COL25A1: variants seen among roughly 807,000 people sequenced by gnomAD.
COL25A1 encodes collagen alpha-1(XXV) chain.
A neutral mutation model predicts 128.4 loss-of-function variants in COL25A1; 103 were observed. The observed-to-expected ratio is 0.80, with a 90% CI of 0.68 to 0.94. The LOEUF (loss-of-function observed/expected upper bound fraction) is 0.94, where lower values mean the gene tolerates loss of function less well. Among genes scored for constraint, COL25A1 ranks in the 40% least tolerant of loss-of-function variants. The pLI, the probability that COL25A1 is intolerant of heterozygous loss-of-function variation, is 0.00. For synonymous variants in COL25A1, 279 were observed against 277.2 expected, an observed-to-expected ratio of 1.01 and a Z score of -0.06; for missense variants, 745 against 840.0, an observed-to-expected ratio of 0.89 and a Z score of 1.40.
At chr4:109,047,728 C>CTTTTTTTTTTTTTTTT (rs59105153) in intron 5 of COL25A1, among the ~76,000 whole-genome samples, 1 of 132,190 alleles carries the variant, frequency 7.6e-6, no homozygotes, top group South Asian at 2.3e-4. Flanking sequence ...TAAGTATACT[C>CTTTTTTTTTTTTTTTT]TTTTTTTTTT....
At chr4:109,092,354 A>G (rs1262549274) in intron 3 of COL25A1, among the ~76,000 whole-genome samples, 1 of 152,130 alleles carries the variant, frequency 6.6e-6, no homozygotes, top group Non-Finnish European at 1.5e-5. Context: ...GGTGGTGCGC[A>G]GTCTCAGGTA....
At chr4:108,979,994 T>A (rs1208724289) in intron 6 of COL25A1, among the ~76,000 whole-genome samples, 1 of 152,116 alleles carries the variant, frequency 6.6e-6, no homozygotes, top group African/African-American at 2.4e-5. Context: ...GGGATGCACA[T>A]GCCCAGTTGT....
At chr4:109,026,131 C>G (rs2125908470) in intron 5 of COL25A1, among the ~76,000 whole-genome samples, 1 of 151,892 alleles carries the variant, frequency 6.6e-6, no homozygotes, top group Non-Finnish European at 1.5e-5. Flanking sequence ...CACACACACA[C>G]ACACATATAC....
chr4:109,219,980 A>G (rs1040232465), intron 3 of COL25A1, among the ~76,000 whole-genome samples: 3 of 152,150 alleles, frequency 2.0e-5, no homozygotes, highest in African/African-American at 7.2e-5. Flanking sequence ...TGGAAAACCT[A>G]TATGTATTAC....
chr4:109,285,602 G>A (rs1578639683), intron 3 of COL25A1, among the ~76,000 whole-genome samples: 3 of 152,350 alleles, frequency 2.0e-5, no homozygotes, highest in East Asian at 3.9e-4. Context: ...CAGTGGTTGT[G>A]AGAAGCTGAA....
At chr4:109,095,373 GT>G (rs1468552203) in intron 3 of COL25A1, among the ~76,000 whole-genome samples, 2 of 152,102 alleles carry the variant, frequency 1.3e-5, no homozygotes, top group Non-Finnish European at 2.9e-5. Context: ...ATATACTGGT[GT>G]TTTTTTAAAA....
intron 3 of COL25A1, among the ~76,000 whole-genome samples, chr4:109,188,102 A>C (rs957603100): frequency 2.0e-5 from 3 of 152,232 alleles, no homozygotes; most frequent in Non-Finnish European, 4.4e-5. Flanking sequence ...ATAAGAGATC[A>C]TAATTGCAAT....
At chr4:109,222,875 T>C (rs1444066994) in intron 3 of COL25A1, among the ~76,000 whole-genome samples, 1 of 152,236 alleles carries the variant, frequency 6.6e-6, no homozygotes, top group Non-Finnish European at 1.5e-5. Flanking sequence ...TGTATATATC[T>C]GGAAAGAAAT....
chr4:108,872,782 GCT>G (rs1444341507), intron 19 of COL25A1, among the ~76,000 whole-genome samples: 10 of 151,586 alleles, frequency 6.6e-5, no homozygotes, highest in South Asian at 4.2e-4. Flanking sequence ...CATTCTTCCT[GCT>G]CTTTTTAAAA....
chr4:108,878,362 T>G (rs1475502265), intron 19 of COL25A1, among the ~76,000 whole-genome samples: 1 of 151,624 alleles, frequency 6.6e-6, no homozygotes, highest in African/African-American at 2.4e-5. Flanking sequence ...TTAAAAAATA[T>G]GTGCTGATCT....
At chr4:109,198,031 T>A (rs994126066) in intron 3 of COL25A1, among the ~76,000 whole-genome samples, 1 of 152,136 alleles carries the variant, frequency 6.6e-6, no homozygotes, top group East Asian at 1.9e-4. Context: ...AAGATTTTTT[T>A]TTATTATTCA....
chr4:109,285,391 G>T (rs1026224005), intron 3 of COL25A1, among the ~76,000 whole-genome samples: 1 of 152,164 alleles, frequency 6.6e-6, no homozygotes, highest in African/African-American at 2.4e-5. Flanking sequence ...TAAATTCAAT[G>T]ACTTATGTCA....
chr4:109,004,402 GTT>G (rs746263927), intron 6 of COL25A1, among the ~76,000 whole-genome samples: 1 of 83,494 alleles, frequency 1.2e-5, no homozygotes, highest in African/African-American at 3.8e-5. Flanking sequence ...TGAGGTTTGT[GTT>G]TTTTTTTTTT....
intron 3 of COL25A1, among the ~76,000 whole-genome samples, chr4:109,112,510 AAACAGTGTTTC>A (rs1396512723): frequency 9.2e-6 from 1 of 108,266 alleles, no homozygotes; most frequent in East Asian, 2.3e-4. Context: ...TAGAAAAAAA[AAACAGTGTTTC>A]TATTCTGCCA....
In COL25A1 at chr4:108,999,668, T is replaced by C. The variant is rs989018522; in HGVS notation, c.438+10690A>G. Among the ~76,000 whole-genome samples the C allele has an allele frequency of 2.3e-4, 35 of 152,166 alleles. 1 individual carries two copies. Among genetic ancestry groups the C allele is most frequent in the African/African-American group, 7.7e-4 (32 of 41,436 alleles). ...GCTACTATAAAGACACATGCACACG[T>C]ATGTTTATTACGGCACTATTCACAA... On this transcript the variant is annotated intron_variant, in intron 6 of 37. Transcript: ENST00000399132.
chr4:109,008,623 TTTCAAGGGCTGAGCAC>T (rs1756269051), intron 6 of COL25A1, among the ~76,000 whole-genome samples: 1 of 152,160 alleles, frequency 6.6e-6, no homozygotes, highest in Admixed American at 6.5e-5. Context: ...CACCACCTTC[TTTCAAGGGCTGAGCAC>T]TACAAGGTAT....
chr4:109,269,650 T>C (rs1049970943), intron 3 of COL25A1, among the ~76,000 whole-genome samples: 26 of 151,716 alleles, frequency 1.7e-4, no homozygotes, highest in African/African-American at 6.1e-4. Flanking sequence ...TGGTATCTCA[T>C]TGTGGTTTTG....
intron 20 of COL25A1, among the ~76,000 whole-genome samples, chr4:108,868,744 G>A (rs1470907550): frequency 7.0e-6 from 1 of 143,754 alleles, no homozygotes; most frequent in Non-Finnish European, 1.5e-5. Context: ...AGGAAGGAAG[G>A]AAGGAGGAAG....
At chr4:109,107,209 C>T (rs1000606701) in intron 3 of COL25A1, among the ~76,000 whole-genome samples, 1 of 152,060 alleles carries the variant, frequency 6.6e-6, no homozygotes, top group Non-Finnish European at 1.5e-5. Context: ...TAGGTAGTTA[C>T]TGAGAACACC....
Sources: gnomAD v4.1 joint callset for allele counts (sites outside exome capture counted in the v4.1 genomes callset) on GRCh38, gnomAD v4.1.1 for gene constraint, MANE v1.5 for transcripts, NCBI Gene and HGNC (gene_info 2026-07-23, HGNC 2026-07-21) for gene names.